The following FAT3 variants were observed in gnomAD, a reference collection of about 807,000 sequenced individuals.
FAT3 encodes the protein FAT atypical cadherin 3.
In FAT3, 95 loss-of-function variants were observed where a neutral mutation model predicts 310.2. The ratio of observed to expected loss-of-function variants is 0.31; its 90% CI spans 0.26 to 0.36. The LOEUF (loss-of-function observed/expected upper bound fraction) is 0.36, where lower values mean the gene tolerates loss of function less well. FAT3 is among the 10% of genes least tolerant of loss of function. The pLI is 1.00. For missense variants in FAT3, 5,408 were observed against 5,715.6 expected, an observed-to-expected ratio of 0.95 and a Z score of 1.74; for synonymous variants, 2,314 against 2,192.9, an observed-to-expected ratio of 1.06 and a Z score of -1.54.
At chr11:92,463,339 T>C (rs141465353) in intron 2 of FAT3, among the ~76,000 whole-genome samples, 178 of 152,278 alleles carry the variant, frequency 1.2e-3, no homozygotes, top group African/African-American at 4.1e-3. Context: ...TAATGTAACA[T>C]AGTGTTTAGA....
At chr11:92,774,885 A>G (rs1168497797) in intron 7 of FAT3, among the ~76,000 whole-genome samples, 2 of 152,196 alleles carry the variant, frequency 1.3e-5, no homozygotes, top group African/African-American at 2.4e-5. Context: ...AGGAAAAGAA[A>G]ATCTTTGGGC....
chr11:92,869,974 C>T (rs1015080405), intron 22 of FAT3, among the ~76,000 whole-genome samples: 1 of 152,200 alleles, frequency 6.6e-6, no homozygotes, highest in Non-Finnish European at 1.5e-5. Flanking sequence ...AGACTGCTTG[C>T]ACATGAGGCT....
At chr11:92,564,151 G>T (rs1435632721) in intron 3 of FAT3, among the ~76,000 whole-genome samples, 5 of 152,146 alleles carry the variant, frequency 3.3e-5, no homozygotes, top group Admixed American at 3.3e-4. Flanking sequence ...CATCTCACAT[G>T]CAGAGACACA....
At chr11:92,489,517 A>C (rs1399147534) in intron 2 of FAT3, among the ~76,000 whole-genome samples, 4 of 152,078 alleles carry the variant, frequency 2.6e-5, no homozygotes, top group Admixed American at 6.6e-5. Context: ...TCTATACGAT[A>C]GTTTGTTTTT....
chr11:92,575,092 A>AT (rs879470145), intron 3 of FAT3, among the ~76,000 whole-genome samples: 4 of 151,958 alleles, frequency 2.6e-5, no homozygotes, highest in South Asian at 2.1e-4. Context: ...CTTTACCTTG[A>AT]TTTTTTTTCC....
chr11:92,818,187 GAAGGAAAACAAAC>G (rs778474446), intron 13 of FAT3, among the ~76,000 whole-genome samples: 1 of 151,990 alleles, frequency 6.6e-6, no homozygotes, highest in African/African-American at 2.4e-5. Flanking sequence ...CTGATTTCCC[GAAGGAAAACAAAC>G]AAGGAAAACA....
At chr11:92,838,349 G>T (rs1565638376) in intron 17 of FAT3, among the ~76,000 whole-genome samples, 1 of 152,160 alleles carries the variant, frequency 6.6e-6, no homozygotes, top group Non-Finnish European at 1.5e-5. Context: ...TAAGCAATTT[G>T]TTTAACACTT....
At chr11:92,601,429 T>C (rs1940019796) in intron 3 of FAT3, among the ~76,000 whole-genome samples, 1 of 152,118 alleles carries the variant, frequency 6.6e-6, no homozygotes, top group Non-Finnish European at 1.5e-5. Context: ...ATACTGTCTC[T>C]ACTAAAAGTA....
At chr11:92,458,678 C>A (rs1951562313) in intron 2 of FAT3, among the ~76,000 whole-genome samples, 1 of 152,130 alleles carries the variant, frequency 6.6e-6, no homozygotes, top group African/African-American at 2.4e-5. Context: ...AATGGCTTTT[C>A]ACTGGCTTTT....
chr11:92,597,778 A>G (rs1271771932), intron 3 of FAT3, among the ~76,000 whole-genome samples: 5 of 152,206 alleles, frequency 3.3e-5, no homozygotes, highest in African/African-American at 1.2e-4. Flanking sequence ...CAAAATTAGA[A>G]AAGCCTTTGG....
intron 19 of FAT3, among the ~76,000 whole-genome samples, chr11:92,848,384 T>C (rs1188364181): frequency 6.6e-6 from 1 of 152,130 alleles, no homozygotes; most frequent in Non-Finnish European, 1.5e-5. Context: ...ATGAACATTA[T>C]CACTTCAGTA....
intron 3 of FAT3, among the ~76,000 whole-genome samples, chr11:92,662,795 A>C (rs963851518): frequency 1.3e-5 from 2 of 152,202 alleles, no homozygotes; most frequent in Non-Finnish European, 2.9e-5. Context: ...ATCATCTTGA[A>C]TTCTTTATTC....
chr11:92,726,944 C>T (rs1945019656), intron 4 of FAT3, among the ~76,000 whole-genome samples: 1 of 151,890 alleles, frequency 6.6e-6, no homozygotes, highest in African/African-American at 2.4e-5. Context: ...AATAGAAGTC[C>T]ACATCTCCCT....
chr11:92,790,096 G>A lies in FAT3; in HGVS notation c.4489G>A (p.Val1497Ile). 1 of 1,613,844 alleles carries A rather than the reference G, an allele frequency of 6.2e-7. No homozygotes were observed. The change falls in exon 8 of 28, where the codon GTT becomes ATT. Residue 1497 changes from valine (V) to isoleucine (I), a missense_variant. Transcript: ENST00000525166. ...TGAGAAGCACAAGCTGAGCTACACT[G>A]TTCATAGCAGCATCGACTCCATCAG... is the stretch of plus-strand genomic sequence containing the variant. The part of the protein sequence containing the change: ...RDEKHKLSYT[V>I]HSSIDSISMR...
chr11:92,602,077 AT>A (rs113205477), intron 3 of FAT3, among the ~76,000 whole-genome samples: 5,593 of 145,752 alleles, frequency 0.038, 234 homozygotes, highest in East Asian at 0.21. Context: ...ACCTTAATTA[AT>A]TTTTTTTTTT....
chr11:92,820,578 A>G (rs1293305488), intron 13 of FAT3, among the ~76,000 whole-genome samples: 2 of 152,084 alleles, frequency 1.3e-5, no homozygotes, highest in Non-Finnish European at 2.9e-5. Context: ...AGAGGCTCAC[A>G]TGGTGAGGGG....
intron 2 of FAT3, among the ~76,000 whole-genome samples, chr11:92,444,854 C>A (rs1032922915): frequency 6.6e-6 from 1 of 152,072 alleles, no homozygotes; most frequent in Non-Finnish European, 1.5e-5. Context: ...TGACTACAAC[C>A]CTTTCAATGG....
At chr11:92,253,602 T>C (rs1308624397) in intron 1 of FAT3, among the ~76,000 whole-genome samples, 5 of 152,108 alleles carry the variant, frequency 3.3e-5, no homozygotes, top group Admixed American at 6.6e-5. Context: ...CTAGGACATA[T>C]TTATTGGCTC....
At chr11:92,722,500 C>A (rs1313923429) in intron 4 of FAT3, among the ~76,000 whole-genome samples, 1 of 152,174 alleles carries the variant, frequency 6.6e-6, no homozygotes, top group Non-Finnish European at 1.5e-5. Context: ...ACAGTGCAAG[C>A]TGTCAGTGGA....
Sources: gnomAD v4.1 joint callset for allele counts (sites outside exome capture counted in the v4.1 genomes callset) on GRCh38, gnomAD v4.1.1 for gene constraint, MANE v1.5 for transcripts, NCBI Gene and HGNC (gene_info 2026-07-23, HGNC 2026-07-21) for gene names.